The following CLNK variants were observed in gnomAD, a reference collection of about 807,000 sequenced individuals.
CLNK encodes cytokine-dependent hematopoietic cell linker.
In CLNK, 74 loss-of-function variants were observed where a neutral mutation model predicts 68.6. That is an observed-to-expected ratio of 1.08 (90% CI 0.89 to 1.31). CLNK has a LOEUF of 1.31. Among genes scored for constraint, CLNK ranks in the 50% most tolerant of loss-of-function variants. The probability of loss-of-function intolerance (pLI) is 0.00; values close to 1 mark genes in which losing one functional copy is unlikely to be tolerated. For missense variants in CLNK, 553 were observed against 515.3 expected (o/e 1.07, Z -0.71); for synonymous variants, 198 against 172.2 (o/e 1.15, Z -1.17).
intron 8 of CLNK, among the ~76,000 whole-genome samples, chr4:10,548,173 G>A (rs936019774): frequency 1.3e-5 from 2 of 152,080 alleles, no homozygotes; most frequent in Non-Finnish European, 2.9e-5. Flanking sequence ...TTTTGTGTGT[G>A]TTTTTTAAGT....
At chr4:10,682,181 C>A (rs1202571433) in intron 1 of CLNK, among the ~76,000 whole-genome samples, 1 of 151,708 alleles carries the variant, frequency 6.6e-6, no homozygotes, top group Non-Finnish European at 1.5e-5. Flanking sequence ...GATATCTAAC[C>A]TGATGCTTCT....
chr4:10,513,652 C>A, intron 15 of CLNK, 55 bp from the exon 16 acceptor site: 1 of 1,520,440 alleles, frequency 6.6e-7, no homozygotes, highest in Middle Eastern at 2.3e-4. Context: ...GCAGTCTGTC[C>A]CCCACCTCCA....
upstream of CLNK, among the ~76,000 whole-genome samples, chr4:10,685,294 A>C (rs1324782558): frequency 6.6e-6 from 1 of 152,178 alleles, no homozygotes. Context: ...TGATAATAAT[A>C]TTTGTATTTT....
chr4:10,523,098 G>A (rs550899398), intron 14 of CLNK, among the ~76,000 whole-genome samples: 1 of 152,330 alleles, frequency 6.6e-6, no homozygotes, highest in East Asian at 1.9e-4. Flanking sequence ...CAAGGAGCTA[G>A]TCAAATGGGG....
At chr4:10,603,478 A>G (rs1560237403) in intron 2 of CLNK, among the ~76,000 whole-genome samples, 3 of 152,182 alleles carry the variant, frequency 2.0e-5, no homozygotes, top group South Asian at 4.1e-4. Context: ...CCTCATGTTC[A>G]GCACATGTCC....
upstream of CLNK, among the ~76,000 whole-genome samples, chr4:10,687,909 G>C (rs921890038): frequency 2.0e-5 from 3 of 152,152 alleles, no homozygotes; most frequent in Admixed American, 6.5e-5. Flanking sequence ...TGGATCCTGA[G>C]TCTTAACAAG....
the CLNK span, among the ~76,000 whole-genome samples, chr4:10,728,295 G>C: frequency 6.6e-6 from 1 of 152,018 alleles, no homozygotes; most frequent in Non-Finnish European, 1.5e-5. Flanking sequence ...GTTTTTAGAA[G>C]AATACACAAA....
chr4:10,707,325 G>A, the CLNK span, among the ~76,000 whole-genome samples: 1 of 152,192 alleles, frequency 6.6e-6, no homozygotes, highest in Non-Finnish European at 1.5e-5. Flanking sequence ...TGTGGCCCAT[G>A]GGCCATGAGT....
chr4:10,594,707 G>T (rs1721320960), intron 3 of CLNK, among the ~76,000 whole-genome samples: 1 of 152,204 alleles, frequency 6.6e-6, no homozygotes, highest in African/African-American at 2.4e-5. Flanking sequence ...CATCAGAGTA[G>T]AAATCTACAT....
At chr4:10,629,644 C>G (rs1240617867) in intron 2 of CLNK, among the ~76,000 whole-genome samples, 3 of 152,118 alleles carry the variant, frequency 2.0e-5, no homozygotes, top group Non-Finnish European at 4.4e-5. Context: ...ATGAAGAGAC[C>G]ACATGGTGAG....
chr4:10,699,285 C>CACACACACACACACCACGTATGT, the CLNK span, among the ~76,000 whole-genome samples: 1 of 46,188 alleles, frequency 2.2e-5, no homozygotes, highest in African/African-American at 9.3e-5. Context: ...ACACCACATA[C>CACACACACACACACCACGTATGT]GTGTATACAC....
chr4:10,593,169 T>C (rs1176056907), intron 3 of CLNK, among the ~76,000 whole-genome samples: 1 of 152,206 alleles, frequency 6.6e-6, no homozygotes, highest in Non-Finnish European at 1.5e-5. Flanking sequence ...AGGGCGGCAC[T>C]CCGCCTTCTG....
Position 10,494,544 on chromosome 4 carries a change from G to A in CLNK, c.1141-3931C>T, listed in dbSNP as rs910398558. Among the ~76,000 whole-genome samples, 6 of 149,792 alleles carry A rather than the reference G, an allele frequency of 4.0e-5. No homozygotes were observed. In the Admixed American group the frequency reaches 4.0e-4, roughly 10 times the overall value. On this transcript the variant is annotated intron_variant, in intron 18 of 18. Transcript: ENST00000226951. Reference sequence around the variant, plus strand: ...ACAATCTTGGCTCACTGCAACCTCTGCCTCCTAGATTCAAGCAATTCTCCT... The same window carrying A: ...ACAATCTTGGCTCACTGCAACCTCTACCTCCTAGATTCAAGCAATTCTCCT...
At chr4:10,588,866 C>T (rs1040989885) in intron 3 of CLNK, among the ~76,000 whole-genome samples, 12 of 151,676 alleles carry the variant, frequency 7.9e-5, no homozygotes, top group African/African-American at 2.9e-4. Flanking sequence ...ATACTACATA[C>T]AATGTATTAT....
intron 2 of CLNK, among the ~76,000 whole-genome samples, chr4:10,629,442 A>G (rs1722801204): frequency 6.6e-6 from 1 of 152,156 alleles, no homozygotes; most frequent in Admixed American, 6.5e-5. Flanking sequence ...CCTGAGAGTC[A>G]AGGCCATGGG....
At chr4:10,608,530 C>T (rs889816815) in intron 2 of CLNK, among the ~76,000 whole-genome samples, 2 of 152,200 alleles carry the variant, frequency 1.3e-5, no homozygotes, top group African/African-American at 4.8e-5. Context: ...GTTTTCTGAG[C>T]CCCCAGCTTC....
the CLNK span, among the ~76,000 whole-genome samples, chr4:10,731,502 A>C: frequency 2.6e-5 from 4 of 152,174 alleles, no homozygotes; most frequent in African/African-American, 4.8e-5. Context: ...CAACTTATGA[A>C]TGTTACTTCA....
At chr4:10,658,361 A>G (rs1156491057) in intron 2 of CLNK, among the ~76,000 whole-genome samples, 2 of 152,248 alleles carry the variant, frequency 1.3e-5, no homozygotes, top group Non-Finnish European at 2.9e-5. Context: ...TGATGATGAT[A>G]TAGCCAGCCG....
At chr4:10,566,589 G>T (rs7655244) in intron 5 of CLNK, among the ~76,000 whole-genome samples, 8,972 of 152,190 alleles carry the variant, frequency 0.059, 317 homozygotes, top group Middle Eastern at 0.1. Context: ...CCTCAAGGTG[G>T]CAGGATACAG....
Sources: allele counts gnomAD v4.1 joint callset (sites outside exome capture counted in the v4.1 genomes callset), GRCh38; gene constraint gnomAD v4.1.1; transcripts MANE v1.5; gene names NCBI Gene and HGNC (gene_info 2026-07-23, HGNC 2026-07-21).